Variants in TMEM214 observed in about 807,000 individuals in gnomAD.
TMEM214 encodes transmembrane protein 214.
Under a neutral mutation model 89.8 loss-of-function variants are expected in TMEM214, and 71 were observed. The ratio of observed to expected loss-of-function variants is 0.79; its 90% CI spans 0.65 to 0.96. TMEM214 has a LOEUF of 0.96. TMEM214 is among the 40% of genes least tolerant of loss of function. The pLI, the probability that TMEM214 is intolerant of heterozygous loss-of-function variation, is 0.00. For missense variants in TMEM214, 754 were observed against 843.4 expected (o/e 0.89, Z 1.31); for synonymous variants, 332 against 349.5 (o/e 0.95, Z 0.56).
chr2:27,033,339 A>AC (rs1667413205), intron 1 of TMEM214, among the ~76,000 whole-genome samples, 173 bp downstream of exon 1: 1 of 151,868 alleles, frequency 6.6e-6, no homozygotes, highest in South Asian at 2.1e-4. Context: ...TGCGGTCCTC[A>AC]CCTCCCAGAT....
Position 27,040,093 on chromosome 2 carries a change from G to A in TMEM214, c.1686G>A (p.Leu562=), listed in dbSNP as rs201209273. 1.9e-6 allele frequency: 3 copies of A among 1,609,186 alleles called. No individual in the cohort carries two copies. The East Asian group carries it at 6.7e-5, about 36-fold the overall frequency. ...TGCTCACCGTGGTGCGGCCCAGCTT[G>A]CAGCTGGCCTGGGCTCACACCAATG... ...SHLLTVVRPS[L]QLAWAHTNAT... Residue 562 remains leucine, a synonymous_variant, in exon 15 of 17, where the codon TTG becomes TTA. Transcript: ENST00000238788.
At position 27,038,742 on chromosome 2, in the gene TMEM214, T is replaced by C. The variant is rs1292375920; in HGVS notation, c.1334T>C (p.Leu445Pro). Residue 445 changes from leucine (L) to proline (P), a missense_variant, in exon 12 of 17, where the codon CTT (leucine) becomes CCT (proline). By Grantham distance (98) the Leu-to-Pro change is moderately conservative (BLOSUM62 -3). Coordinates refer to ENST00000238788, the MANE Select transcript of TMEM214 (RefSeq NM_017727.5). The surrounding 1 kb of genome is among the most constrained non-coding windows in gnomAD (Gnocchi z 4.4). ...CAAGAAACCATTCAGTCCCTCAAGC[T>C]TACCAACCAGGAGCTGCTGAGGAAG... ...SLQETIQSLK[L>P]TNQELLRKGS... The C allele has an allele frequency of 6.2e-7, 1 of 1,614,148 alleles. No homozygotes were observed. Among genetic ancestry groups the C allele is most frequent in the Non-Finnish European group, 8.5e-7 (1 of 1,180,006 alleles).
Position 27,039,880 on chromosome 2 carries a change from A to C in TMEM214, c.1622+43A>C, listed in dbSNP as rs1572795464. The C allele has an allele frequency of 3.2e-6, 5 of 1,567,746 alleles. No homozygotes were observed. In the African/African-American group the frequency reaches 8.0e-5, roughly 25 times the overall value. On this transcript the variant is annotated intron_variant, in intron 14 of 16. Coordinates refer to ENST00000238788, the MANE Select transcript of TMEM214 (RefSeq NM_017727.5). ...AGGGGAGAGGAGAGGCAGAAGAGAG[A>C]AGGCCTGGGTGTCAGGGAGGAGGCG... is the stretch of plus-strand genomic sequence containing the variant.
At position 27,038,418 on chromosome 2, in the gene TMEM214, T is replaced by C; in HGVS notation, c.1245-66T>C. The C allele has an allele frequency of 6.2e-7, 1 of 1,602,712 alleles. No individual in the cohort carries two copies. Among genetic ancestry groups the C allele is most frequent in the Non-Finnish European group, 8.5e-7 (1 of 1,171,036 alleles). On this transcript the variant is annotated intron_variant, in intron 10 of 16. Transcript: ENST00000238788. This position sits in a 1 kb window ranked among gnomAD's most constrained non-coding sequence, Gnocchi z 4.4. ...TTCAGCCTGAAGGAGCCAGGGCTAA[T>C]GGAGGACAGGAGGATGGGTGAGGCT...
At chr2:27,035,470 G>C in intron 3 of TMEM214, 124 bp from the exon 4 acceptor site, 1 of 1,464,704 alleles carries the variant, frequency 6.8e-7, no homozygotes, top group Non-Finnish European at 9.2e-7. Context: ...CTCCTCAGAG[G>C]AAGGATCCCA....
chr2:27,036,052 G>A lies in TMEM214; in HGVS notation c.720G>A (p.Lys240=). ...AGATTGCCACGGCAAACCTAGGCAA[G>A]GTGAGCTCTCAGTGATGGTGGGGAT... ...KPKIATANLG[K]FLELLRSHQS... is the part of the protein sequence containing the mutation. The change falls in exon 5 of 17, where the codon AAG becomes AAA. Residue 240 remains lysine, a splice_region_variant and synonymous_variant. Coordinates refer to ENST00000238788, the MANE Select transcript of TMEM214 (RefSeq NM_017727.5). 1 of 1,614,104 alleles carries A rather than the reference G, an allele frequency of 6.2e-7. No homozygotes were observed. Among genetic ancestry groups the A allele is most frequent in the Non-Finnish European group, 8.5e-7 (1 of 1,179,978 alleles).
At chr2:27,033,273 C>T (rs2148237598) in intron 1 of TMEM214, 107 bp downstream of exon 1, 1 of 1,117,070 alleles carries the variant, frequency 9.0e-7, no homozygotes, top group South Asian at 4.7e-5. Flanking sequence ...CCCCGAGCGC[C>T]ACGCTTGCGT....
intron 8 of TMEM214, 142 bp downstream of exon 8, chr2:27,037,320 T>C: frequency 1.2e-6 from 1 of 841,536 alleles, no homozygotes; most frequent in East Asian, 2.5e-5. Flanking sequence ...AAGGGAACAG[T>C]GACCCCTTGA....
rs893207936 is a variant in TMEM214, at chr2:27,036,561, A to T, written c.795A>T (p.Ala265=). The T allele has an allele frequency of 6.2e-7, 1 of 1,614,066 alleles. No homozygotes were observed. Among genetic ancestry groups the T allele is most frequent in the African/African-American group, 1.3e-5 (1 of 74,918 alleles). The part of the protein sequence containing the change: ...CLTIMWALGQ[A]GFANLTEGLK... ...CCATCATGTGGGCCCTGGGTCAAGC[A>T]GGTTTTGCCAACCTCACCGAGGGAC... is the stretch of plus-strand genomic sequence containing the variant. The change falls in exon 6 of 17, where the codon GCA becomes GCT. Residue 265 remains alanine, a synonymous_variant. Coordinates refer to ENST00000238788, the MANE Select transcript of TMEM214 (RefSeq NM_017727.5).
rs202030172 is a variant in TMEM214, at chr2:27,038,126, C to G, written c.1153-20C>G. ...CAGCCCCATGCCCCCAGCAGCCTCT[C>G]CCTCTGTCGTGCTGTGCAGCTCCTG... On this transcript the variant is annotated intron_variant, in intron 9 of 16. Transcript: ENST00000238788. This position sits in a 1 kb window ranked among gnomAD's most constrained non-coding sequence, Gnocchi z 4.4. The G allele has an allele frequency of 6.2e-7, 1 of 1,614,024 alleles. No homozygotes were observed. The highest frequency in any genetic ancestry group is 2.2e-5 in the East Asian group (1 of 44,878).
At chr2:27,036,935 G>A in intron 7 of TMEM214, 142 bp from the exon 8 acceptor site, 2 of 1,070,666 alleles carry the variant, frequency 1.9e-6, no homozygotes, top group Non-Finnish European at 2.9e-6. Flanking sequence ...TGGTGAGGAA[G>A]GAAGAAGAGG....
In TMEM214 at chr2:27,032,982, CG is replaced by C; in HGVS notation, c.-30del. On this transcript the variant is annotated 5_prime_UTR_variant, in exon 1 of 17. Coordinates refer to ENST00000238788, the MANE Select transcript of TMEM214 (RefSeq NM_017727.5). Reference sequence around the variant, plus strand: ...GCGCGCTCGCGCCGGACCGGAAAGCCGGGGAAGTGGCCGAGGAGGGAGGGCT... The same window carrying C: ...GCGCGCTCGCGCCGGACCGGAAAGCCGGGAAGTGGCCGAGGAGGGAGGGCT... The C allele has an allele frequency of 4.0e-6, 5 of 1,244,248 alleles. No individual in the cohort carries two copies. Among genetic ancestry groups the C allele is most frequent in the Non-Finnish European group, 5.1e-6 (5 of 987,110 alleles). The allele number at this position is 1,244,248 out of a possible 1,614,324, so 77.1% of individuals were successfully genotyped here.
At position 27,033,080 on chromosome 2, in the gene TMEM214, T is replaced by TCGGCGC. The variant is rs766583742; in HGVS notation, c.77_82dup (p.Ala26_Gly27dup). ...GTGAAGAAGGGTCGGCGGCCTGGGG[T>TCGGCGC]CGGCGCCGGCGCCGGCGGCCGAGGA... On this transcript the variant is annotated inframe_insertion, in exon 1 of 17. Coordinates refer to ENST00000238788, the MANE Select transcript of TMEM214 (RefSeq NM_017727.5). 1.7e-5 allele frequency: 21 copies of TCGGCGC among 1,241,870 alleles called. No homozygotes were observed. Among genetic ancestry groups the TCGGCGC allele is most frequent in the African/African-American group, 6.3e-5 (4 of 63,812 alleles). 76.9% of individuals were successfully genotyped at this position (1,241,870 alleles called of 1,614,324 possible). A position where few individuals can be genotyped will look rare whatever the true frequency, so the allele number is the denominator to read the frequency against.
chr2:27,041,309 C>A lies in TMEM214; in HGVS notation c.*472C>A, dbSNP rs1667822890. ...AGCCACAGCAGAAGGAAAGGGGCTT[C>A]CAGAAGAATATAGCACCGCATTGGG... On this transcript the variant is annotated 3_prime_UTR_variant, in exon 17 of 17. Coordinates refer to ENST00000238788, the MANE Select transcript of TMEM214 (RefSeq NM_017727.5). 6.3e-6 allele frequency: 1 copy of A among 157,870 alleles called. No homozygotes were observed. Among genetic ancestry groups the A allele is most frequent in the African/African-American group, 2.4e-5 (1 of 41,494 alleles). The allele number at this position is 157,870 out of a possible 1,614,324, so 9.8% of individuals were successfully genotyped here. A position where few individuals can be genotyped will look rare whatever the true frequency, so the allele number is the denominator to read the frequency against.
At chr2:27,036,947 A>G in intron 7 of TMEM214, 130 bp from the exon 8 acceptor site, 1 of 1,093,734 alleles carries the variant, frequency 9.1e-7, no homozygotes, top group Non-Finnish European at 1.4e-6. Flanking sequence ...AAGAAGAGGG[A>G]GCTATTAAGG....
Position 27,035,824 on chromosome 2 carries a change from TG to T in TMEM214, c.637+97del. 7 of 1,593,720 alleles carry T rather than the reference TG, an allele frequency of 4.4e-6. No homozygotes were observed. In the South Asian group the frequency reaches 7.8e-5, roughly 18 times the overall value. ...AGTGGTTCTGTTTCCAGCAGAGAAA[TG>T]TGCTAACCTTAACACTTTTTGGAAA... is the stretch of plus-strand genomic sequence containing the variant. On this transcript the variant is annotated intron_variant, in intron 4 of 16. Transcript: ENST00000238788.
chr2:27,036,403 G>A, intron 5 of TMEM214, 84 bp from the exon 6 acceptor site: 5 of 1,152,114 alleles, frequency 4.3e-6, no homozygotes, highest in Middle Eastern at 2.7e-4. Flanking sequence ...TCTTCCAGTT[G>A]ACATCTCCCT....
chr2:27,038,664 C>T lies in TMEM214; in HGVS notation c.1294-38C>T, dbSNP rs1300471317. 1.9e-6 allele frequency: 3 copies of T among 1,607,826 alleles called. No individual in the cohort carries two copies. Among genetic ancestry groups the T allele is most frequent in the Admixed American group, 3.4e-5 (2 of 59,572 alleles). ...TGGAAAATGAAGCAGGATGGAAGCT[C>T]TGGATTCCCTCACAGGCCAGACCTT... is the stretch of plus-strand genomic sequence containing the variant. On this transcript the variant is annotated intron_variant, in intron 11 of 16. Transcript: ENST00000238788. This position sits in a 1 kb window ranked among gnomAD's most constrained non-coding sequence, Gnocchi z 4.4.
In TMEM214 at chr2:27,038,350, C is replaced by A; in HGVS notation, c.1244+113C>A. 1.3e-6 allele frequency: 2 copies of A among 1,535,312 alleles called. No homozygotes were observed. Among genetic ancestry groups the A allele is most frequent in the South Asian group, 1.1e-5 (1 of 88,854 alleles). On this transcript the variant is annotated intron_variant, in intron 10 of 16. Coordinates refer to ENST00000238788, the MANE Select transcript of TMEM214 (RefSeq NM_017727.5). This position sits in a 1 kb window ranked among gnomAD's most constrained non-coding sequence, Gnocchi z 4.4. ...CTGAGTGGGAACATTGCTGGAGCAG[C>A]CTCTAGGAAGCTGCTGCTCTGTGGG...
Sources: gnomAD v4.1 joint callset for allele counts (sites outside exome capture counted in the v4.1 genomes callset) on GRCh38, gnomAD v4.1.1 for gene constraint, Gnocchi (gnomAD v3.1) non-coding constraint, MANE v1.5 for transcripts, NCBI Gene and HGNC (gene_info 2026-07-23, HGNC 2026-07-21) for gene names.